The following RNF216 variants were observed in gnomAD, a reference collection of about 807,000 sequenced individuals.
The protein encoded by RNF216 is E3 ubiquitin-protein ligase RNF216.
RNF216 carries 72 observed loss-of-function variants against 110.8 expected under a neutral mutation model. The observed-to-expected ratio is 0.65, with a 90% CI of 0.54 to 0.79. RNF216 has a LOEUF of 0.79. Among genes scored for constraint, RNF216 ranks in the 30% least tolerant of loss-of-function variants. RNF216 has a pLI of 0.00. For missense variants in RNF216, 1,342 were observed against 1,141.2 expected (o/e 1.18, Z -2.54); for synonymous variants, 495 against 407.5 (o/e 1.21, Z -2.59).
chr7:5,691,250 C>A (rs1791320058), intron 13 of RNF216, among the ~76,000 whole-genome samples: 1 of 152,226 alleles, frequency 6.6e-6, no homozygotes, highest in Non-Finnish European at 1.5e-5. Context: ...TGACACCTCG[C>A]CACTCGGGCC....
intron 13 of RNF216, among the ~76,000 whole-genome samples, chr7:5,690,235 G>A (rs1324713343): frequency 6.6e-6 from 1 of 150,454 alleles, no homozygotes; most frequent in African/African-American, 2.5e-5. Flanking sequence ...GCTGAGGCAG[G>A]AGAATCTCTT....
intron 13 of RNF216, among the ~76,000 whole-genome samples, chr7:5,694,898 G>A (rs984663608): frequency 2.0e-5 from 3 of 152,084 alleles, no homozygotes; most frequent in African/African-American, 7.2e-5. Flanking sequence ...TCATCTAAAG[G>A]ACCCAAGCAT....
chr7:5,712,974 C>G (rs1792813161), intron 11 of RNF216, 111 bp from the exon 12 acceptor site: 1 of 968,446 alleles, frequency 1.0e-6, no homozygotes, highest in African/African-American at 1.7e-5. Context: ...AAGGATCTCT[C>G]TGCCTGTTCA....
intron 14 of RNF216, among the ~76,000 whole-genome samples, chr7:5,646,746 T>A (rs1415350153): frequency 6.6e-6 from 1 of 151,776 alleles, no homozygotes; most frequent in Non-Finnish European, 1.5e-5. Flanking sequence ...TTATGTGTGG[T>A]CACTGAAGTC....
intron 7 of RNF216, among the ~76,000 whole-genome samples, chr7:5,729,012 C>T (rs1793927623): frequency 2.0e-5 from 3 of 152,176 alleles, no homozygotes; most frequent in Admixed American, 6.5e-5. Flanking sequence ...TCAGTAGCTG[C>T]CCACTCTCTT....
At chr7:5,727,311 G>T (rs1289121899) in intron 7 of RNF216, among the ~76,000 whole-genome samples, 1 of 152,160 alleles carries the variant, frequency 6.6e-6, no homozygotes, top group African/African-American at 2.4e-5. Flanking sequence ...ATGACCACAA[G>T]CTTTCCAGCT....
At chr7:5,668,681 A>AG (rs1382105118) in intron 13 of RNF216, among the ~76,000 whole-genome samples, 1 of 152,180 alleles carries the variant, frequency 6.6e-6, no homozygotes, top group African/African-American at 2.4e-5. Context: ...TATAGGTGGG[A>AG]GACACCCAGA....
chr7:5,662,756 T>C (rs1789230409), intron 13 of RNF216, among the ~76,000 whole-genome samples: 1 of 152,074 alleles, frequency 6.6e-6, no homozygotes, highest in African/African-American at 2.4e-5. Flanking sequence ...AGATGGTGAG[T>C]ACCTCAGAGG....
chr7:5,771,239 C>T, intron 1 of RNF216, among the ~76,000 whole-genome samples: 1 of 152,132 alleles, frequency 6.6e-6, no homozygotes, highest in Non-Finnish European at 1.5e-5. Flanking sequence ...CAACCCCTTC[C>T]TCATGCCTTA....
At chr7:5,684,837 G>C (rs547529977) in intron 13 of RNF216, among the ~76,000 whole-genome samples, 1 of 151,324 alleles carries the variant, frequency 6.6e-6, no homozygotes, top group East Asian at 2.0e-4. Flanking sequence ...CATTTTTAAG[G>C]TGATGAAAAG....
chr7:5,629,218 G>C (rs1315145916), intron 15 of RNF216, among the ~76,000 whole-genome samples: 2 of 147,198 alleles, frequency 1.4e-5, no homozygotes, highest in Non-Finnish European at 1.5e-5. Flanking sequence ...AAAAAGTGAA[G>C]ACAATTCCAG....
At chr7:5,771,800 C>A (rs146927618) in intron 1 of RNF216, among the ~76,000 whole-genome samples, 1 of 151,000 alleles carries the variant, frequency 6.6e-6, no homozygotes, top group South Asian at 2.1e-4. Context: ...CCTGTCCCCC[C>A]ACCAAAAAAC....
intron 16 of RNF216, among the ~76,000 whole-genome samples, chr7:5,623,764 T>TG (rs1251974172): frequency 3.3e-5 from 5 of 152,200 alleles, no homozygotes; most frequent in African/African-American, 7.2e-5. Context: ...AAGGATCAGC[T>TG]GGGTCTACTT....
chr7:5,646,193 G>A (rs938540098), intron 14 of RNF216, among the ~76,000 whole-genome samples: 3 of 152,124 alleles, frequency 2.0e-5, no homozygotes, highest in African/African-American at 7.2e-5. Context: ...AGATTGTTTA[G>A]TGACTTTTAA....
chr7:5,748,097 C>A (rs941812111), intron 3 of RNF216, among the ~76,000 whole-genome samples: 6 of 152,184 alleles, frequency 3.9e-5, no homozygotes, highest in African/African-American at 1.4e-4. Flanking sequence ...TCAGACCCCT[C>A]CCTAACTCTG....
intron 1 of RNF216, among the ~76,000 whole-genome samples, chr7:5,767,755 T>C (rs953130575): frequency 2.6e-5 from 4 of 152,088 alleles, no homozygotes; most frequent in Admixed American, 6.6e-5. Flanking sequence ...CACGCCACCA[T>C]GCCCAGCTAA....
chr7:5,747,760 A>AAG (rs1795105882), intron 3 of RNF216, among the ~76,000 whole-genome samples: 5 of 140,990 alleles, frequency 3.5e-5, no homozygotes, highest in African/African-American at 1.4e-4. Flanking sequence ...AAAAAAAAAA[A>AAG]AAAAAAAAAA....
intron 14 of RNF216, among the ~76,000 whole-genome samples, chr7:5,648,742 GAAAAGAAA>G (rs1427914727): frequency 2.8e-5 from 4 of 143,866 alleles, no homozygotes; most frequent in African/African-American, 5.3e-5. Flanking sequence ...AAAAAAAAAA[GAAAAGAAA>G]AAAAGAAAAC....
intron 16 of RNF216, among the ~76,000 whole-genome samples, chr7:5,623,757 G>A (rs1786535812): frequency 6.6e-6 from 1 of 152,152 alleles, no homozygotes; most frequent in Non-Finnish European, 1.5e-5. Flanking sequence ...GCCTCAGAAG[G>A]ATCAGCTGGG....
Sources: allele counts gnomAD v4.1 joint callset (sites outside exome capture counted in the v4.1 genomes callset), GRCh38; gene constraint gnomAD v4.1.1; transcripts MANE v1.5; gene names NCBI Gene and HGNC (gene_info 2026-07-23, HGNC 2026-07-21).